Variants in GFOD1 observed in about 807,000 individuals in gnomAD.
GFOD1 encodes the protein Gfo/Idh/MocA-like oxidoreductase domain containing 1, also known as glucose-fructose oxidoreductase domain-containing protein 1.
In GFOD1, 9 loss-of-function variants were observed where a neutral mutation model predicts 25.4. The observed-to-expected ratio is 0.35, with a 90% CI of 0.21 to 0.62. The LOEUF is 0.62. GFOD1 is among the 20% of genes least tolerant of loss of function. GFOD1 has a pLI of 0.72. For missense variants in GFOD1, 403 were observed against 556.9 expected, an observed-to-expected ratio of 0.72 and a Z score of 2.78; for synonymous variants, 253 against 245.6, an observed-to-expected ratio of 1.03 and a Z score of -0.28.
chr6:13,446,111 G>C (rs72826952), intron 1 of GFOD1, among the ~76,000 whole-genome samples: 52 of 152,322 alleles, frequency 3.4e-4, no homozygotes, highest in Non-Finnish European at 6.3e-4. Flanking sequence ...CAATTGTTCT[G>C]TCCACTTTGC....
At chr6:13,423,280 G>T (rs1786292336) in intron 1 of GFOD1, among the ~76,000 whole-genome samples, 1 of 152,166 alleles carries the variant, frequency 6.6e-6, no homozygotes, top group Admixed American at 6.5e-5. Flanking sequence ...GATATTAAAT[G>T]TATTTTCAAC....
At chr6:13,369,856 C>T (rs1287837637) in intron 1 of GFOD1, among the ~76,000 whole-genome samples, 2 of 152,126 alleles carry the variant, frequency 1.3e-5, no homozygotes, top group African/African-American at 4.8e-5. Context: ...TATATGATCT[C>T]AACCCTCTCT....
chr6:13,447,530 G>A (rs1758022228), intron 1 of GFOD1, among the ~76,000 whole-genome samples: 1 of 151,886 alleles, frequency 6.6e-6, no homozygotes, highest in Non-Finnish European at 1.5e-5. Flanking sequence ...TGAGGTTAGG[G>A]AGTTTGAGAC....
chr6:13,440,006 C>T (rs1002421175), intron 1 of GFOD1, among the ~76,000 whole-genome samples: 1 of 152,044 alleles, frequency 6.6e-6, no homozygotes, highest in African/African-American at 2.4e-5. Context: ...CTCTCTAATC[C>T]CAGAACCTGA....
chr6:13,365,799 C>A lies in GFOD1; in HGVS notation c.254-137G>T. Reference sequence around the variant, plus strand: ...GTGGCTCATGCCTGTTGTCCCAGCACTTTGGGAGGCCAAGGCCGGAGGAGG... The same window carrying A: ...GTGGCTCATGCCTGTTGTCCCAGCAATTTGGGAGGCCAAGGCCGGAGGAGG... On this transcript the variant is annotated intron_variant, in intron 1 of 1. Coordinates refer to ENST00000379287, the MANE Select transcript of GFOD1 (RefSeq NM_018988.4). This position sits in a 1 kb window ranked among gnomAD's most constrained non-coding sequence, Gnocchi z 9.2. 5 of 724,746 alleles carry A rather than the reference C, an allele frequency of 6.9e-6. No individual in the cohort carries two copies. The highest frequency in any genetic ancestry group is 1.1e-5 in the Non-Finnish European group (5 of 452,904). 44.9% of individuals were successfully genotyped at this position (724,746 alleles called of 1,614,324 possible). A position where few individuals can be genotyped will look rare whatever the true frequency, so the allele number is the denominator to read the frequency against.
chr6:13,448,935 C>T (rs1460789172), intron 1 of GFOD1, among the ~76,000 whole-genome samples: 2 of 152,182 alleles, frequency 1.3e-5, no homozygotes, highest in South Asian at 4.1e-4. Flanking sequence ...GGTGGAATGA[C>T]TCCTTCTGCC....
At chr6:13,477,210 A>G (rs914961742) in intron 1 of GFOD1, among the ~76,000 whole-genome samples, 6 of 83,332 alleles carry the variant, frequency 7.2e-5, no homozygotes, top group African/African-American at 2.1e-4. Flanking sequence ...AACAGAACCA[A>G]TAGGGGGTGT....
At chr6:13,411,999 A>G (rs1396384772) in intron 1 of GFOD1, among the ~76,000 whole-genome samples, 1 of 152,240 alleles carries the variant, frequency 6.6e-6, no homozygotes, top group Non-Finnish European at 1.5e-5. Flanking sequence ...GAGGGAAATA[A>G]GAAGAGCTAC....
chr6:13,444,346 G>A (rs751799742), intron 1 of GFOD1, among the ~76,000 whole-genome samples: 13 of 151,520 alleles, frequency 8.6e-5, no homozygotes, highest in Admixed American at 8.5e-4. Context: ...CAACAGACAC[G>A]CGGGTCTCCT....
intron 1 of GFOD1, among the ~76,000 whole-genome samples, chr6:13,434,997 C>T (rs965882219): frequency 1.3e-5 from 2 of 152,206 alleles, no homozygotes; most frequent in East Asian, 1.9e-4. Flanking sequence ...CCAGGGCAAC[C>T]GTAGACCTGC....
Position 13,365,565 on chromosome 6 carries a change from G to C in GFOD1, c.351C>G (p.Ile117Met). Residue 117 changes from isoleucine (I) to methionine (M), a missense_variant, in exon 2 of 2, where the codon ATC (isoleucine) becomes ATG (methionine). Physicochemically the swap from Ile to Met is conservative, Grantham distance 10. Transcript: ENST00000379287. This position sits in a 1 kb window ranked among gnomAD's most constrained non-coding sequence, Gnocchi z 9.2. ...AAHYYPKLMS[I>M]MGNVLRFLPA... is the part of the protein sequence containing the mutation. ...GCAGGAAGCGCAGCACGTTGCCCAT[G>C]ATGCTCATGAGCTTGGGGTAGTAGT... 1 of 1,610,548 alleles carries C rather than the reference G, an allele frequency of 6.2e-7. No individual in the cohort carries two copies. The highest frequency in any genetic ancestry group is 8.5e-7 in the Non-Finnish European group (1 of 1,179,954).
At chr6:13,421,553 TA>T (rs146716454) in intron 1 of GFOD1, among the ~76,000 whole-genome samples, 9,481 of 151,368 alleles carry the variant, frequency 0.063, 375 homozygotes, top group Middle Eastern at 0.12. Flanking sequence ...CATCCATATT[TA>T]AAAAAAAACC....
chr6:13,390,941 C>T (rs982179806), intron 1 of GFOD1, among the ~76,000 whole-genome samples: 4 of 152,152 alleles, frequency 2.6e-5, no homozygotes, highest in African/African-American at 7.2e-5. Context: ...ACTAGCTCAG[C>T]GGTTTTTAAC....
At chr6:13,392,541 T>C (rs982784502) in intron 1 of GFOD1, among the ~76,000 whole-genome samples, 4 of 152,128 alleles carry the variant, frequency 2.6e-5, no homozygotes, top group Non-Finnish European at 4.4e-5. Flanking sequence ...AGCAAGTTTT[T>C]GTATCACTAC....
chr6:13,415,095 C>A (rs1584638218), intron 1 of GFOD1, among the ~76,000 whole-genome samples: 1 of 152,126 alleles, frequency 6.6e-6, no homozygotes, highest in Non-Finnish European at 1.5e-5. Flanking sequence ...GCTGGCAGGA[C>A]CCCCTCTTCA....
chr6:13,427,662 CT>C (rs1476209768), intron 1 of GFOD1, among the ~76,000 whole-genome samples: 2 of 152,078 alleles, frequency 1.3e-5, no homozygotes, highest in Non-Finnish European at 2.9e-5. Flanking sequence ...AAAAAAAAGG[CT>C]TTGTAATAAA....
intron 1 of GFOD1, among the ~76,000 whole-genome samples, chr6:13,403,471 T>C (rs1450662886): frequency 6.6e-6 from 1 of 152,164 alleles, no homozygotes; most frequent in Non-Finnish European, 1.5e-5. Flanking sequence ...GGCTATATGG[T>C]ACAACCTATT....
At chr6:13,376,450 AT>A (rs1465630712) in intron 1 of GFOD1, among the ~76,000 whole-genome samples, 1 of 152,124 alleles carries the variant, frequency 6.6e-6, no homozygotes, top group Admixed American at 6.5e-5. Flanking sequence ...ACAAGCCAGG[AT>A]TCACAGTGCA....
At chr6:13,371,543 G>A (rs1785155137) in intron 1 of GFOD1, among the ~76,000 whole-genome samples, 1 of 152,226 alleles carries the variant, frequency 6.6e-6, no homozygotes, top group Non-Finnish European at 1.5e-5. Flanking sequence ...TCATGCTGCA[G>A]AGAATTAGGC....
Sources: allele counts gnomAD v4.1 joint callset (sites outside exome capture counted in the v4.1 genomes callset), GRCh38; gene constraint gnomAD v4.1.1; non-coding constraint Gnocchi (gnomAD v3.1); transcripts MANE v1.5; gene names NCBI Gene and HGNC (gene_info 2026-07-23, HGNC 2026-07-21).